Variants in EHD4 observed in about 807,000 individuals in gnomAD.
The protein encoded by EHD4 is EH domain-containing protein 4.
EHD4 carries 37 observed loss-of-function variants against 51.0 expected under a neutral mutation model. The ratio of observed to expected loss-of-function variants is 0.73; its 90% CI spans 0.56 to 0.95. EHD4 has a LOEUF of 0.95. Ranked by LOEUF, EHD4 falls within the 40% of genes least tolerant of loss-of-function variation. EHD4 has a pLI of 0.00. For synonymous variants in EHD4, 297 were observed against 317.3 expected (o/e 0.94, Z 0.68); for missense variants, 632 against 733.1 (o/e 0.86, Z 1.59).
In EHD4 at chr15:41,899,288, G is replaced by C. The variant is rs888796825; in HGVS notation, c.*1357C>G. On this transcript the variant is annotated 3_prime_UTR_variant, in exon 6 of 6. Transcript: ENST00000220325. ...CCTCCCCAAGCTGGTGCCCACAGAG[G>C]GGGAGGCACCTCCACCTGACGCAGG... 4 of 152,180 alleles carry C rather than the reference G, an allele frequency of 2.6e-5. No individual in the cohort carries two copies. The highest frequency in any genetic ancestry group is 5.9e-5 in the Non-Finnish European group (4 of 68,028). The allele number at this position is 152,180 out of a possible 1,614,324, so 9.4% of individuals were successfully genotyped here.
At chr15:41,968,064 A>G (rs1272598121) in intron 1 of EHD4, among the ~76,000 whole-genome samples, 2 of 152,304 alleles carry the variant, frequency 1.3e-5, no homozygotes, top group African/African-American at 4.8e-5. Context: ...TTAATATTGC[A>G]GCAAGAGCCC....
At chr15:41,929,198 C>T (rs2067683004) in intron 3 of EHD4, among the ~76,000 whole-genome samples, 1 of 152,340 alleles carries the variant, frequency 6.6e-6, no homozygotes. Context: ...CTGCTCTTCC[C>T]ACTCCTCCTT....
Position 41,972,302 on chromosome 15 carries a change from G to A in EHD4, c.193C>T (p.Leu65=). The change falls in exon 1 of 6, where the codon CTG becomes TTG. Residue 65 remains leucine, a synonymous_variant. Transcript: ENST00000220325. ...CCGGTGCTGTACTGGCCCACCAGCA[G>A]GATCATGGGCTTGTTCTCGAAGTCG... is the stretch of plus-strand genomic sequence containing the variant. ...DADFENKPMI[L]LVGQYSTGKT... 6.2e-7 allele frequency: 1 copy of A among 1,610,332 alleles called. No homozygotes were observed. The highest frequency in any genetic ancestry group is 8.5e-7 in the Non-Finnish European group (1 of 1,178,492).
chr15:41,962,387 G>A (rs2067929711), intron 1 of EHD4, among the ~76,000 whole-genome samples: 1 of 152,034 alleles, frequency 6.6e-6, no homozygotes, highest in African/African-American at 2.4e-5. Context: ...TATTTAAGAT[G>A]GTATGGTGTT....
intron 4 of EHD4, among the ~76,000 whole-genome samples, chr15:41,918,803 C>T (rs552311009): frequency 3.0e-4 from 46 of 152,362 alleles, no homozygotes; most frequent in Non-Finnish European, 4.9e-4. Context: ...TCCTGTTGGT[C>T]TCACCAATGC....
At chr15:41,942,405 C>A (rs1387209526) in intron 3 of EHD4, 2 of 108,422 alleles carry the variant, frequency 1.8e-5, no homozygotes, top group Non-Finnish European at 3.6e-5. Flanking sequence ...CCACCATGCC[C>A]AGCTAATTTT....
At chr15:41,930,375 A>G (rs1231864731) in intron 3 of EHD4, among the ~76,000 whole-genome samples, 5 of 152,194 alleles carry the variant, frequency 3.3e-5, no homozygotes, top group Non-Finnish European at 7.3e-5. Context: ...CTTGCACTGA[A>G]TTTTCTTGAG....
chr15:41,966,253 G>GCA (rs1413905844), intron 1 of EHD4, among the ~76,000 whole-genome samples: 3 of 151,912 alleles, frequency 2.0e-5, no homozygotes, highest in Non-Finnish European at 4.4e-5. Flanking sequence ...CCACTCACAG[G>GCA]CACACCTCTT....
chr15:41,922,868 T>C (rs1031276092), intron 3 of EHD4, among the ~76,000 whole-genome samples: 10 of 152,256 alleles, frequency 6.6e-5, no homozygotes, highest in African/African-American at 2.4e-4. Flanking sequence ...GAAGTACAGG[T>C]AGGCAGAGCT....
Position 41,944,450 on chromosome 15 carries a change from G to A in EHD4, c.414-1286C>T, listed in dbSNP as rs566534795. Among the ~76,000 whole-genome samples the A allele has an allele frequency of 4.4e-4, 67 of 152,292 alleles. No homozygotes were observed. In the South Asian group the frequency reaches 0.012, roughly 26 times the overall value. ...CTCAATTCTTCCGTACGATGGAAGTGGTGGGGATTACTCACAAAGTAAAAA... is the reference window on the plus strand; with the variant it reads ...CTCAATTCTTCCGTACGATGGAAGTAGTGGGGATTACTCACAAAGTAAAAA... On this transcript the variant is annotated intron_variant, in intron 2 of 5. Coordinates refer to ENST00000220325, the MANE Select transcript of EHD4 (RefSeq NM_139265.4).
rs369174948 is a variant in EHD4 at position 41,943,100 on chromosome 15, T to C, written c.478A>G (p.Ile160Val). ...ATGCGCTGCTTCTCCCCAGAAAGGA[T>C]GCCGGGGCTGTCGATGACGCTGATG... is the stretch of plus-strand genomic sequence containing the variant. ...KSISVIDSPG[I>V]LSGEKQRISR... The change falls in exon 3 of 6, where the codon ATC (isoleucine) becomes GTC (valine). Residue 160 changes from isoleucine (I) to valine (V), a missense_variant. By Grantham distance (29) the Ile-to-Val change is conservative. Transcript: ENST00000220325. The C allele has an allele frequency of 7.6e-6, 12 of 1,589,112 alleles. No homozygotes were observed. The African/African-American group carries it at 1.1e-4, about 14-fold the overall frequency.
chr15:41,916,373 G>C (rs563907195), intron 4 of EHD4, among the ~76,000 whole-genome samples: 61 of 152,242 alleles, frequency 4.0e-4, no homozygotes, highest in Non-Finnish European at 7.9e-4. Context: ...GTGAAGCCTC[G>C]GGGACATAAC....
At position 41,934,021 on chromosome 15, in the gene EHD4, C is replaced by T. The variant is rs1314847034; in HGVS notation, c.511+9046G>A. Among the ~76,000 whole-genome samples, 5 of 152,206 alleles carry T rather than the reference C, an allele frequency of 3.3e-5. No homozygotes were observed. The East Asian group carries it at 7.7e-4, about 24-fold the overall frequency. On this transcript the variant is annotated intron_variant, in intron 3 of 5. Coordinates refer to ENST00000220325, the MANE Select transcript of EHD4 (RefSeq NM_139265.4). ...AGGCTGGTTAGTCACAGAGCCTGCCCCACCCCATCGTCTCTCTCACTCAAG... is the reference window on the plus strand; with the variant it reads ...AGGCTGGTTAGTCACAGAGCCTGCCTCACCCCATCGTCTCTCTCACTCAAG...
At chr15:41,907,605 C>T (rs2067520876) in intron 5 of EHD4, among the ~76,000 whole-genome samples, 1 of 151,990 alleles carries the variant, frequency 6.6e-6, no homozygotes, top group Admixed American at 6.5e-5. Flanking sequence ...CTGCAACCTT[C>T]ACCTCCAGGG....
chr15:41,958,045 G>T (rs2067898821), intron 1 of EHD4, among the ~76,000 whole-genome samples: 1 of 151,936 alleles, frequency 6.6e-6, no homozygotes, highest in Non-Finnish European at 1.5e-5. Flanking sequence ...CGGTGGGAGT[G>T]CCTCAGAGGC....
chr15:41,968,406 G>T (rs572044520), intron 1 of EHD4, among the ~76,000 whole-genome samples: 1 of 151,570 alleles, frequency 6.6e-6, no homozygotes, highest in East Asian at 1.9e-4. Flanking sequence ...ACTCATACAG[G>T]GATTGTGGGA....
intron 5 of EHD4, among the ~76,000 whole-genome samples, chr15:41,907,674 C>A (rs1339532874): frequency 1.3e-5 from 2 of 152,072 alleles, no homozygotes; most frequent in Admixed American, 1.3e-4. Context: ...CATGCACCAC[C>A]ACACCTGGCC....
intron 3 of EHD4, among the ~76,000 whole-genome samples, chr15:41,925,044 C>T (rs544173412): frequency 1.2e-4 from 16 of 129,270 alleles, no homozygotes; most frequent in African/African-American, 4.3e-4. Flanking sequence ...TGGGTGACAG[C>T]GAGGGACTGT....
chr15:41,960,216 A>T (rs982968496), intron 1 of EHD4, among the ~76,000 whole-genome samples: 11 of 152,184 alleles, frequency 7.2e-5, no homozygotes, highest in Non-Finnish European at 1.2e-4. Context: ...TTTCATCCTC[A>T]CTGCCATGGG....
Sources: allele counts gnomAD v4.1 joint callset (sites outside exome capture counted in the v4.1 genomes callset), GRCh38; gene constraint gnomAD v4.1.1; transcripts MANE v1.5; gene names NCBI Gene and HGNC (gene_info 2026-07-23, HGNC 2026-07-21).